The following DMRT1 variants were observed in gnomAD, a reference collection of about 807,000 sequenced individuals.
The protein encoded by DMRT1 is doublesex and mab-3 related transcription factor 1, also known as doublesex- and mab-3-related transcription factor 1.
Under a neutral mutation model 32.3 loss-of-function variants are expected in DMRT1, and 7 were observed. The ratio of observed to expected loss-of-function variants is 0.22; its 90% CI spans 0.12 to 0.41. The LOEUF is 0.41. DMRT1 is among the 10% of genes least tolerant of loss of function. The probability of loss-of-function intolerance (pLI) is 1.00; values close to 1 mark genes in which losing one functional copy is unlikely to be tolerated. For synonymous variants in DMRT1, 278 were observed against 206.1 expected (o/e 1.35, Z -2.99); for missense variants, 625 against 500.5 (o/e 1.25, Z -2.37).
chr9:869,587 C>G (rs1478270015), intron 2 of DMRT1, among the ~76,000 whole-genome samples: 1 of 152,188 alleles, frequency 6.6e-6, no homozygotes, highest in African/African-American at 2.4e-5. Context: ...CTCCCAAGGT[C>G]TCCTATCTCG....
chr9:861,480 C>T, intron 2 of DMRT1, among the ~76,000 whole-genome samples: 1 of 152,228 alleles, frequency 6.6e-6, no homozygotes, highest in Non-Finnish European at 1.5e-5. Flanking sequence ...TACACAGACA[C>T]AATAACAATC....
intron 4 of DMRT1, among the ~76,000 whole-genome samples, chr9:936,936 A>G (rs1428736026): frequency 6.6e-6 from 1 of 152,086 alleles, no homozygotes; most frequent in Non-Finnish European, 1.5e-5. Flanking sequence ...ACCACTATCT[A>G]TTTGCAGAAT....
intron 3 of DMRT1, among the ~76,000 whole-genome samples, chr9:907,826 T>C (rs897512545): frequency 7.9e-5 from 5 of 63,258 alleles, no homozygotes; most frequent in African/African-American, 2.7e-4. Flanking sequence ...CTCTAAAATA[T>C]ATATGTGTGT....
intron 2 of DMRT1, among the ~76,000 whole-genome samples, chr9:874,483 A>G (rs1564214476): frequency 6.6e-6 from 1 of 152,122 alleles, no homozygotes; most frequent in African/African-American, 2.4e-5. Flanking sequence ...TATACAGCAA[A>G]TGTGTATGAG....
At chr9:942,083 A>G (rs1819093080) in intron 4 of DMRT1, among the ~76,000 whole-genome samples, 1 of 152,198 alleles carries the variant, frequency 6.6e-6, no homozygotes, top group Non-Finnish European at 1.5e-5. Context: ...GGACATTTTA[A>G]GTGACATAGG....
chr9:925,771 C>G (rs1463390637), intron 4 of DMRT1, among the ~76,000 whole-genome samples: 2 of 152,108 alleles, frequency 1.3e-5, no homozygotes, highest in Non-Finnish European at 2.9e-5. Flanking sequence ...GCTATTATCC[C>G]CATTTGACAG....
intron 2 of DMRT1, among the ~76,000 whole-genome samples, chr9:862,372 G>A (rs917712057): frequency 6.6e-6 from 1 of 151,958 alleles, no homozygotes; most frequent in Non-Finnish European, 1.5e-5. Context: ...GTGGCGGCGC[G>A]CGCCTGCAGT....
At chr9:952,461 C>T (rs1380715767) in intron 4 of DMRT1, among the ~76,000 whole-genome samples, 2 of 152,184 alleles carry the variant, frequency 1.3e-5, no homozygotes, top group Non-Finnish European at 2.9e-5. Context: ...AGCCCGTAAA[C>T]CTGAGAATTT....
chr9:949,669 G>C (rs571581059), intron 4 of DMRT1, among the ~76,000 whole-genome samples: 64 of 152,238 alleles, frequency 4.2e-4, no homozygotes, highest in African/African-American at 1.5e-3. Context: ...CAGATTTCTA[G>C]GACTTATCTT....
chr9:914,829 G>C (rs1028150529), intron 3 of DMRT1, among the ~76,000 whole-genome samples: 6 of 152,064 alleles, frequency 3.9e-5, no homozygotes, highest in African/African-American at 7.2e-5. Context: ...TAAATTCCTT[G>C]AGCTGCTCAA....
intron 4 of DMRT1, among the ~76,000 whole-genome samples, chr9:925,080 T>A (rs1335792207): frequency 6.6e-6 from 1 of 152,148 alleles, no homozygotes; most frequent in Non-Finnish European, 1.5e-5. Flanking sequence ...CACTTACTCA[T>A]GTAAGGATAA....
chr9:903,733 A>G (rs955551742), intron 3 of DMRT1, among the ~76,000 whole-genome samples: 2 of 152,202 alleles, frequency 1.3e-5, no homozygotes, highest in Admixed American at 6.5e-5. Flanking sequence ...TGTAGATTCC[A>G]GAAGAAACTA....
chr9:841,822 C>T lies in DMRT1; in HGVS notation c.-17C>T, dbSNP rs1409137775. The T allele has an allele frequency of 6.2e-7, 1 of 1,603,136 alleles. No homozygotes were observed. Among genetic ancestry groups the T allele is most frequent in the Admixed American group, 1.7e-5 (1 of 58,662 alleles). On this transcript the variant is annotated 5_prime_UTR_variant, in exon 1 of 5. Coordinates refer to ENST00000382276, the MANE Select transcript of DMRT1 (RefSeq NM_021951.3). The stretch of plus-strand genomic sequence containing the variant: ...GAGAGAGGGGGCCAGAGTGCTCGCA[C>T]TTCTCCTAGGGGCACCATGCCCAAC...
Position 899,767 on chromosome 9 carries a change from G to A in DMRT1, c.822+5572G>A, listed in dbSNP as rs138368680. On this transcript the variant is annotated intron_variant, in intron 3 of 4. Coordinates refer to ENST00000382276, the MANE Select transcript of DMRT1 (RefSeq NM_021951.3). Reference sequence around the variant, plus strand: ...TACCAGGTTGACAAGGGAGAGGTGCGTATCGAGTGAGCAGAAATAAATATG... The same window carrying A: ...TACCAGGTTGACAAGGGAGAGGTGCATATCGAGTGAGCAGAAATAAATATG... Among the ~76,000 whole-genome samples the A allele has an allele frequency of 1.8e-3, 276 of 152,322 alleles. 1 individual carries two copies. The highest frequency in any genetic ancestry group is 6.2e-3 in the African/African-American group (257 of 41,562).
intron 4 of DMRT1, among the ~76,000 whole-genome samples, chr9:935,252 T>A (rs1413963330): frequency 1.3e-5 from 2 of 152,226 alleles, no homozygotes; most frequent in African/African-American, 4.8e-5. Flanking sequence ...TATCCTCTAG[T>A]GTCCTATAGG....
At chr9:868,413 A>T (rs141123790) in intron 2 of DMRT1, among the ~76,000 whole-genome samples, 1 of 152,366 alleles carries the variant, frequency 6.6e-6, no homozygotes, top group East Asian at 1.9e-4. Context: ...CTTTAAAAAA[A>T]CAAAATTCAC....
intron 3 of DMRT1, among the ~76,000 whole-genome samples, chr9:904,325 C>T (rs1019769037): frequency 6.6e-6 from 1 of 152,074 alleles, no homozygotes; most frequent in Non-Finnish European, 1.5e-5. Context: ...CTTTTCAGAA[C>T]GTTTAATTAC....
intron 2 of DMRT1, among the ~76,000 whole-genome samples, chr9:882,639 C>G (rs1816775269): frequency 6.6e-6 from 1 of 152,030 alleles, no homozygotes; most frequent in South Asian, 2.1e-4. Context: ...TGTTTCAAAT[C>G]AAGACCTGCT....
intron 3 of DMRT1, among the ~76,000 whole-genome samples, chr9:901,464 T>C (rs1299631056): frequency 2.0e-5 from 3 of 151,908 alleles, no homozygotes; most frequent in South Asian, 4.2e-4. Context: ...GTAGCTGGGA[T>C]TACAGGCCCC....
Sources: allele counts gnomAD v4.1 joint callset (sites outside exome capture counted in the v4.1 genomes callset), GRCh38; gene constraint gnomAD v4.1.1; transcripts MANE v1.5; gene names NCBI Gene and HGNC (gene_info 2026-07-23, HGNC 2026-07-21).